The following COL6A1 variants were observed in gnomAD, a reference collection of about 807,000 sequenced individuals.
COL6A1 encodes collagen type VI alpha 1 chain, also known as collagen alpha-1(VI) chain.
In COL6A1, 80 loss-of-function variants were observed where a neutral mutation model predicts 145.6. The ratio of observed to expected loss-of-function variants is 0.55; its 90% confidence interval spans 0.46 to 0.66. The LOEUF is 0.66. Among genes scored for constraint, COL6A1 ranks in the 30% least tolerant of loss-of-function variants. COL6A1 has a pLI of 0.00. For missense variants in COL6A1, 1,364 were observed against 1,473.8 expected, an observed-to-expected ratio of 0.93 and a Z score of 1.22; for synonymous variants, 638 against 622.8, an observed-to-expected ratio of 1.02 and a Z score of -0.36.
chr21:45,999,658 G>C lies in COL6A1; in HGVS notation c.1742G>C (p.Gly581Ala), dbSNP rs1462355816. ...TCCTCTACTCCGTTTCTCGGACAGG[G>C]ACCCCCAGGACACCAAGGACCGCCT... The part of the protein sequence containing the change: ...KGYRGPEGPQ[G>A]PPGHQGPPGP... Residue 581 changes from glycine (G) to alanine (A), a missense_variant and splice_region_variant, in exon 27 of 35, where the codon GGA becomes GCA. This residue lies in a region of COL6A1 where 938 missense variants were observed against 1,003.8 expected (regional missense o/e 0.93). Coordinates refer to ENST00000361866, the MANE Select transcript of COL6A1 (RefSeq NM_001848.3). 1.5e-5 allele frequency: 25 copies of C among 1,613,406 alleles called. No homozygotes were observed. Among genetic ancestry groups the C allele is most frequent in the Non-Finnish European group, 2.1e-5 (25 of 1,179,944 alleles).
chr21:45,998,159 C>T lies in COL6A1; in HGVS notation c.1563C>T (p.Phe521=). 5.6e-6 allele frequency: 9 copies of T among 1,612,220 alleles called. No homozygotes were observed. Among genetic ancestry groups the T allele is most frequent in the South Asian group, 1.1e-5 (1 of 90,952 alleles). Reference sequence around the variant, plus strand: ...CCGCTGGAAATGGCACCGAGGGCTTCCCCGGCTTCCCCGTAAGTGTCCGGA... The same window carrying T: ...CCGCTGGAAATGGCACCGAGGGCTTTCCCGGCTTCCCCGTAAGTGTCCGGA... ...DGPAGNGTEG[F]PGFPGYPGNR... The change falls in exon 23 of 35, where the codon TTC becomes TTT. Residue 521 remains phenylalanine, a synonymous_variant. Transcript: ENST00000361866.
chr21:45,983,749 C>T (rs1456745429), intron 2 of COL6A1, among the ~76,000 whole-genome samples: 1 of 152,074 alleles, frequency 6.6e-6, no homozygotes, highest in African/African-American at 2.4e-5. Context: ...TACTCAGTCT[C>T]CCCATGACTC....
Position 45,999,221 on chromosome 21 carries a change from G to C in COL6A1, c.1740+3G>C, listed in dbSNP as rs1314703448. ...ACCGGGGTCCCGAGGGCCCCCAGGT[G>C]GGTGGATGTGGCTGGGTGAGGCCAC... On this transcript the variant is annotated splice_donor_region_variant and intron_variant, in intron 26 of 34. Coordinates refer to ENST00000361866, the MANE Select transcript of COL6A1 (RefSeq NM_001848.3). 1.9e-6 allele frequency: 3 copies of C among 1,592,308 alleles called. No homozygotes were observed. The African/African-American group carries it at 4.0e-5, about 21-fold the overall frequency.
chr21:45,995,725 A>G (rs2077801194), intron 20 of COL6A1, among the ~76,000 whole-genome samples: 2 of 152,188 alleles, frequency 1.3e-5, no homozygotes, highest in Non-Finnish European at 2.9e-5. Context: ...GGGTCTGGGA[A>G]TAGTCTCTAG....
At chr21:46,001,609 TC>T (rs1160062801) in intron 30 of COL6A1, among the ~76,000 whole-genome samples, 2 of 152,156 alleles carry the variant, frequency 1.3e-5, no homozygotes, top group East Asian at 3.9e-4. Flanking sequence ...AGGGAGGGTC[TC>T]CCCCTCTCCT....
At chr21:45,989,540 G>A in intron 9 of COL6A1, 68 bp from the exon 10 acceptor site, 2 of 1,516,096 alleles carry the variant, frequency 1.3e-6, no homozygotes, top group Non-Finnish European at 1.8e-6. Context: ...AGGGGTGTGG[G>A]GCTGGGTGGG....
chr21:45,983,719 C>A (rs899905520), intron 2 of COL6A1, among the ~76,000 whole-genome samples: 1 of 152,118 alleles, frequency 6.6e-6, no homozygotes, highest in African/African-American at 2.4e-5. Flanking sequence ...CAGCGTCCCC[C>A]GAGTCGCCCT....
chr21:45,989,176 G>A (rs2077759753), intron 9 of COL6A1, 39 bp downstream of exon 9: 5 of 1,569,580 alleles, frequency 3.2e-6, no homozygotes, highest in Non-Finnish European at 4.3e-6. Flanking sequence ...CTAAGAAGCT[G>A]GAGGCGGGGA....
chr21:46,002,107 C>T lies in COL6A1; in HGVS notation c.2066+37C>T, dbSNP rs1006893394. ...ACGCGGCCAGGACCCTCCCACCCCT[C>T]GCCCCGACCGCTGTTCCCACGGCAG... On this transcript the variant is annotated intron_variant, in intron 31 of 34. Coordinates refer to ENST00000361866, the MANE Select transcript of COL6A1 (RefSeq NM_001848.3). 35 of 1,587,034 alleles carry T rather than the reference C, an allele frequency of 2.2e-5. No individual in the cohort carries two copies. The East Asian group carries it at 2.9e-4, about 13-fold the overall frequency.
intron 18 of COL6A1, 42 bp downstream of exon 18, chr21:45,992,440 G>C: frequency 6.2e-7 from 1 of 1,606,750 alleles, no homozygotes; most frequent in Non-Finnish European, 8.5e-7. Context: ...GCCTCACCAT[G>C]TAGCTGTGGA....
At chr21:45,997,976 G>T in intron 22 of COL6A1, 145 bp from the exon 23 acceptor site, 1 of 1,185,238 alleles carries the variant, frequency 8.4e-7, no homozygotes. Flanking sequence ...GGTCCACGGG[G>T]ACCAGCAGGG....
chr21:45,992,001 C>A lies in COL6A1; in HGVS notation c.1120-9C>A. ...TGCCAGCGTGTGTGACTCCCCCGGT[C>A]TTCCCCAGGGCGAGCCTGGAGCTGA... On this transcript the variant is annotated splice_polypyrimidine_tract_variant and intron_variant, in intron 15 of 34. Transcript: ENST00000361866. 1 of 1,578,646 alleles carries A rather than the reference C, an allele frequency of 6.3e-7. No homozygotes were observed. The highest frequency in any genetic ancestry group is 8.6e-7 in the Non-Finnish European group (1 of 1,162,816).
At chr21:45,993,715 G>A (rs1164093365) in intron 19 of COL6A1, among the ~76,000 whole-genome samples, 3 of 152,150 alleles carry the variant, frequency 2.0e-5, no homozygotes, top group Non-Finnish European at 4.4e-5. Flanking sequence ...TCGGGGGGAC[G>A]TCAAAGCAGG....
chr21:45,982,708 C>T lies in COL6A1; in HGVS notation c.172C>T (p.Leu58Phe). 1 of 1,612,830 alleles carries T rather than the reference C, an allele frequency of 6.2e-7. No individual in the cohort carries two copies. Among genetic ancestry groups the T allele is most frequent in the East Asian group, 2.2e-5 (1 of 44,876 alleles). ...CCTGAGGCTGAAGCCCTACGGGGCC[C>T]TCGTGGACAAAGTCAAGTCCTTCAC... ...VALRLKPYGA[L>F]VDKVKSFTKR... Residue 58 changes from leucine to phenylalanine, a missense_variant, in exon 2 of 35, where the codon CTC becomes TTC. Leu to Phe is a conservative substitution (Grantham distance 22). Coordinates refer to ENST00000361866, the MANE Select transcript of COL6A1 (RefSeq NM_001848.3).
rs986348956 is a variant in COL6A1, at chr21:45,987,545, C to A, written c.759+26C>A. 3.1e-6 allele frequency: 5 copies of A among 1,612,694 alleles called. No homozygotes were observed. In the Admixed American group the frequency reaches 6.7e-5, roughly 21 times the overall value. ...GTGAGTGTGCCCCCCGACCCCTGACCCCGCGCCCTGCACCCTGGGAACCTG... is the reference window on the plus strand; with the variant it reads ...GTGAGTGTGCCCCCCGACCCCTGACACCGCGCCCTGCACCCTGGGAACCTG... On this transcript the variant is annotated intron_variant, in intron 7 of 34. Coordinates refer to ENST00000361866, the MANE Select transcript of COL6A1 (RefSeq NM_001848.3).
intron 13 of COL6A1, 111 bp from the exon 14 acceptor site, chr21:45,990,662 G>T: frequency 1.0e-6 from 1 of 993,422 alleles, no homozygotes. Flanking sequence ...CTGCTAGGCA[G>T]GGCTTTCCAG....
At position 45,981,786 on chromosome 21, in the gene COL6A1, C is replaced by G. The variant is rs535807983; in HGVS notation, c.-65C>G. The G allele has an allele frequency of 8.2e-4, 1,063 of 1,298,642 alleles. 1 individual carries two copies. Among genetic ancestry groups the G allele is most frequent in the Non-Finnish European group, 1.0e-3 (970 of 936,664 alleles). The allele number at this position is 1,298,642 out of a possible 1,614,324, so 80.4% of individuals were successfully genotyped here. The stretch of plus-strand genomic sequence containing the variant: ...GCTGGGAGCAGAAGGCAGCCTCGGT[C>G]TCTGGGCGGCGGCGGCGGCCCACTC... On this transcript the variant is annotated 5_prime_UTR_variant, in exon 1 of 35. Coordinates refer to ENST00000361866, the MANE Select transcript of COL6A1 (RefSeq NM_001848.3).
intron 34 of COL6A1, 34 bp downstream of exon 34, chr21:46,003,183 G>A: frequency 6.2e-7 from 1 of 1,613,844 alleles, no homozygotes; most frequent in Non-Finnish European, 8.5e-7. Flanking sequence ...ACGTGGGGAG[G>A]AGGGCACCGT....
At chr21:45,989,684 G>C (rs376096786) in intron 10 of COL6A1, 32 bp downstream of exon 10, 3 of 1,613,138 alleles carry the variant, frequency 1.9e-6, no homozygotes, top group Non-Finnish European at 1.7e-6. Context: ...GCCCGAGCCC[G>C]GTGGTGCCCT....
Sources: allele counts gnomAD v4.1 joint callset (sites outside exome capture counted in the v4.1 genomes callset), GRCh38; gene constraint gnomAD v4.1.1; regional missense constraint gnomAD v4.1.1; transcripts MANE v1.5; gene names NCBI Gene and HGNC (gene_info 2026-07-23, HGNC 2026-07-21).